Variants in RPS25 observed in about 807,000 individuals in gnomAD.
RPS25 encodes the protein small ribosomal subunit protein eS25.
RPS25 carries 1 observed loss-of-function variant against 14.4 expected under a neutral mutation model. The observed-to-expected ratio is 0.07, with a 90% confidence interval of 0.02 to 0.33. The LOEUF is 0.33. Ranked by LOEUF, RPS25 falls within the 10% of genes least tolerant of loss-of-function variation. The pLI is 1.00. For synonymous variants in RPS25, 63 were observed against 53.8 expected, an observed-to-expected ratio of 1.17 and a Z score of -0.75; for missense variants, 65 against 144.6, an observed-to-expected ratio of 0.45 and a Z score of 2.82.
At chr11:119,017,798 T>C (rs1943199538) in intron 2 of RPS25, 160 bp downstream of exon 2, 1 of 692,060 alleles carries the variant, frequency 1.4e-6, no homozygotes, top group Non-Finnish European at 2.5e-6. Flanking sequence ...ATTTTCATGA[T>C]CCTAATGGGA....
intron 3 of RPS25, among the ~76,000 whole-genome samples, chr11:119,016,921 C>A (rs1215773744): frequency 1.3e-5 from 2 of 152,036 alleles, no homozygotes; most frequent in Admixed American, 6.5e-5. Flanking sequence ...CTATAGTTAG[C>A]TGAGCCTTAT....
At chr11:119,016,180 T>C (rs1212409884) in intron 3 of RPS25, among the ~76,000 whole-genome samples, 2 of 152,056 alleles carry the variant, frequency 1.3e-5, no homozygotes, top group Admixed American at 1.3e-4. Context: ...TCCAGCTACT[T>C]GGGAAGCTGA....
chr11:119,015,988 G>A (rs1943146619), intron 3 of RPS25, 49 bp from the exon 4 acceptor site: 1 of 1,202,924 alleles, frequency 8.3e-7, no homozygotes, highest in Non-Finnish European at 1.2e-6. Context: ...TGCTACAATA[G>A]AAACTAGTAA....
Position 119,017,506 on chromosome 11 carries a change from A to G in RPS25, c.139T>C (p.Leu47=). The change falls in exon 3 of 5, where the codon TTA becomes CTA. Residue 47 remains leucine, a synonymous_variant. Transcript: ENST00000527673. Reference sequence around the variant, plus strand: ...TAGGTAGCTTTGTCAAACAAGACTAAGTTATTGAGCTTGTCCCGAACTTTG... The same window carrying G: ...TAGGTAGCTTTGTCAAACAAGACTAGGTTATTGAGCTTGTCCCGAACTTTG... ...KGKVRDKLNN[L]VLFDKATYDK... 1 of 1,614,138 alleles carries G rather than the reference A, an allele frequency of 6.2e-7. No homozygotes were observed. Among genetic ancestry groups the G allele is most frequent in the South Asian group, 1.1e-5 (1 of 91,084 alleles).
In RPS25 at chr11:119,018,118, C is replaced by T. The variant is rs1370289089; in HGVS notation, c.4-65G>A. 5 of 1,565,940 alleles carry T rather than the reference C, an allele frequency of 3.2e-6. No individual in the cohort carries two copies. The East Asian group carries it at 6.7e-5, about 21-fold the overall frequency. On this transcript the variant is annotated intron_variant, in intron 1 of 4. Coordinates refer to ENST00000527673, the MANE Select transcript of RPS25 (RefSeq NM_001028.3). ...AGCGCCAAAGTCCCCTAATACTGCG[C>T]CCTCAGCCCCCGCAAACTCCACCAC... is the stretch of plus-strand genomic sequence containing the variant.
At chr11:119,017,873 A>G in intron 2 of RPS25, 85 bp downstream of exon 2, 3 of 1,094,532 alleles carry the variant, frequency 2.7e-6, no homozygotes, top group Non-Finnish European at 4.2e-6. Flanking sequence ...TACACCTGAA[A>G]AACCACTTAC....
Position 119,015,756 on chromosome 11 carries a change from G to T in RPS25, c.*7C>A, listed in dbSNP as rs1396208749. 1.6e-6 allele frequency: 2 copies of T among 1,255,382 alleles called. No homozygotes were observed. Among genetic ancestry groups the T allele is most frequent in the Non-Finnish European group, 2.3e-6 (2 of 869,604 alleles). 77.8% of individuals were successfully genotyped at this position (1,255,382 alleles called of 1,614,324 possible). On this transcript the variant is annotated splice_region_variant and 3_prime_UTR_variant, in exon 5 of 5. Transcript: ENST00000527673. ...ATTTTTCCAAATGTACAGCTGGTTGGACCTGTAAAAAAAAATTAAAAGAAT... is the reference window on the plus strand; with the variant it reads ...ATTTTTCCAAATGTACAGCTGGTTGTACCTGTAAAAAAAAATTAAAAGAAT...
At chr11:119,018,127 C>T in intron 1 of RPS25, 74 bp from the exon 2 acceptor site, 2 of 1,556,866 alleles carry the variant, frequency 1.3e-6, no homozygotes, top group South Asian at 1.1e-5. Context: ...GCCCTCAGCC[C>T]CCGCAAACTC....
At chr11:119,017,066 TC>T (rs1336348053) in intron 3 of RPS25, among the ~76,000 whole-genome samples, 1 of 152,216 alleles carries the variant, frequency 6.6e-6, no homozygotes. Flanking sequence ...AAAATAGTAA[TC>T]TAATTATTTC....
In RPS25 at chr11:119,018,057, T is replaced by G; in HGVS notation, c.4-4A>C. The G allele has an allele frequency of 6.2e-7, 1 of 1,612,294 alleles. No individual in the cohort carries two copies. Among genetic ancestry groups the G allele is most frequent in the Non-Finnish European group, 8.5e-7 (1 of 1,179,928 alleles). Reference sequence around the variant, plus strand: ...TCTTCTTGTCGTCCTTAGGCGGCTGTAGGAGGGCAGCGGGAATGCAACCAG... The same window carrying G: ...TCTTCTTGTCGTCCTTAGGCGGCTGGAGGAGGGCAGCGGGAATGCAACCAG... On this transcript the variant is annotated splice_polypyrimidine_tract_variant and splice_region_variant and intron_variant, in intron 1 of 4. Coordinates refer to ENST00000527673, the MANE Select transcript of RPS25 (RefSeq NM_001028.3).
chr11:119,018,149 C>G (rs1356645826), intron 1 of RPS25, 96 bp from the exon 2 acceptor site: 2 of 1,560,886 alleles, frequency 1.3e-6, no homozygotes, highest in South Asian at 1.1e-5. Flanking sequence ...ACCACCAGAG[C>G]ACATGGGCCA....
chr11:119,018,006 C>T lies in RPS25; in HGVS notation c.51G>A (p.Lys17=), dbSNP rs373728983. The T allele has an allele frequency of 6.2e-7, 1 of 1,612,178 alleles. No individual in the cohort carries two copies. The highest frequency in any genetic ancestry group is 1.3e-5 in the African/African-American group (1 of 74,852). ...KKKKDAGKSA[K]KDKDPVNKSG... ...ATTTGTTCACTGGGTCTTTGTCTTTCTTGGCCGACTTTCCAGCGTCCTTCT... is the reference window on the plus strand; with the variant it reads ...ATTTGTTCACTGGGTCTTTGTCTTTTTTGGCCGACTTTCCAGCGTCCTTCT... The change falls in exon 2 of 5, where the codon AAG becomes AAA. Residue 17 remains lysine (K), a synonymous_variant. Coordinates refer to ENST00000527673, the MANE Select transcript of RPS25 (RefSeq NM_001028.3).
Position 119,017,751 on chromosome 11 carries a change from A to G in RPS25, c.100-206T>C. 2.1e-5 allele frequency: 14 copies of G among 662,204 alleles called. No homozygotes were observed. The South Asian group carries it at 2.6e-4, about 12-fold the overall frequency. The allele number at this position is 662,204 out of a possible 1,614,324, so 41.0% of individuals were successfully genotyped here. A position where few individuals can be genotyped will look rare whatever the true frequency, so the allele number is the denominator to read the frequency against. ...CCACTAGATCAGTTAAAAATAACAC[A>G]GCAGGCACAGCGGCAGACACTTCGC... On this transcript the variant is annotated intron_variant, in intron 2 of 4. Transcript: ENST00000527673.
intron 3 of RPS25, 120 bp downstream of exon 3, chr11:119,017,242 C>A (rs1328320204): frequency 1.4e-6 from 1 of 707,936 alleles, no homozygotes; most frequent in East Asian, 2.8e-5. Context: ...TACTAACAGC[C>A]AATGGTCAAG....
Position 119,015,857 on chromosome 11 carries a change from A to G in RPS25, c.366T>C (p.Gly122=). ...CCTACTCACCTATTCATGCATCTTCACCAGCAGCTGGAGCATCTCCACCCT... is the reference window on the plus strand; with the variant it reads ...CCTACTCACCTATTCATGCATCTTCGCCAGCAGCTGGAGCATCTCCACCCT... The part of the protein sequence containing the change: ...NTKGGDAPAA[G]EDA The change falls in exon 4 of 5, where the codon GGT becomes GGC. Residue 122 remains glycine, a synonymous_variant. Coordinates refer to ENST00000527673, the MANE Select transcript of RPS25 (RefSeq NM_001028.3). 1 of 1,602,852 alleles carries G rather than the reference A, an allele frequency of 6.2e-7. No individual in the cohort carries two copies. Among genetic ancestry groups the G allele is most frequent in the Non-Finnish European group, 8.5e-7 (1 of 1,169,790 alleles).
chr11:119,016,028 TTA>T (rs1943147672), intron 3 of RPS25, 89 bp from the exon 4 acceptor site: 1 of 784,508 alleles, frequency 1.3e-6, no homozygotes, highest in Admixed American at 1.9e-5. Flanking sequence ...TGGCTCATGC[TTA>T]TAATCCCACT....
At chr11:119,018,099 A>C (rs781804688) in intron 1 of RPS25, 46 bp from the exon 2 acceptor site, 1 of 1,589,824 alleles carries the variant, frequency 6.3e-7, no homozygotes, top group Non-Finnish European at 8.6e-7. Context: ...AAATAGCGCC[A>C]AAGTCCCCTA....
intron 3 of RPS25, among the ~76,000 whole-genome samples, 192 bp from the exon 4 acceptor site, chr11:119,016,131 T>C (rs1409156962): frequency 1.3e-5 from 2 of 151,980 alleles, no homozygotes; most frequent in Admixed American, 6.6e-5. Context: ...CTACCAAAAA[T>C]ACAAAAATTA....
At chr11:119,016,217 T>C (rs975590255) in intron 3 of RPS25, among the ~76,000 whole-genome samples, 1 of 152,094 alleles carries the variant, frequency 6.6e-6, no homozygotes, top group African/African-American at 2.4e-5. Context: ...ACCCAGGAAT[T>C]GGTGGTTGCA....
Sources: gnomAD v4.1 joint callset for allele counts (sites outside exome capture counted in the v4.1 genomes callset) on GRCh38, gnomAD v4.1.1 for gene constraint, MANE v1.5 for transcripts, NCBI Gene and HGNC (gene_info 2026-07-23, HGNC 2026-07-21) for gene names.